CDC14B: variants seen among roughly 807,000 people sequenced by gnomAD.
The protein encoded by CDC14B is dual specificity protein phosphatase CDC14B.
In CDC14B, 22 loss-of-function variants were observed where a neutral mutation model predicts 64.2. The observed-to-expected ratio is 0.34, with a 90% CI of 0.24 to 0.49. The LOEUF (loss-of-function observed/expected upper bound fraction) is 0.49, where lower values mean the gene tolerates loss of function less well. CDC14B is among the 20% of genes least tolerant of loss of function. The pLI, the probability that CDC14B is intolerant of heterozygous loss-of-function variation, is 0.99. For synonymous variants in CDC14B, 191 were observed against 215.8 expected (o/e 0.89, Z 1.01); for missense variants, 498 against 629.9 (o/e 0.79, Z 2.24).
chr9:96,495,427 G>T (rs915973284), downstream of CDC14B, among the ~76,000 whole-genome samples: 2 of 146,328 alleles, frequency 1.4e-5, no homozygotes, highest in Non-Finnish European at 3.0e-5. Context: ...CAGGAACTTG[G>T]CTCACATTGA....
At chr9:96,587,195 AAG>A (rs1409222103) in intron 1 of CDC14B, among the ~76,000 whole-genome samples, 1 of 152,120 alleles carries the variant, frequency 6.6e-6, no homozygotes, top group Non-Finnish European at 1.5e-5. Context: ...AACAAAAAAA[AAG>A]AGAAAACAGT....
chr9:96,600,570 T>A (rs969147379), intron 1 of CDC14B, among the ~76,000 whole-genome samples: 1 of 152,020 alleles, frequency 6.6e-6, no homozygotes, highest in Admixed American at 6.6e-5. Context: ...TGGTGCGATC[T>A]TGGCTCACTG....
At chr9:96,566,142 C>G (rs1843884014) in intron 1 of CDC14B, among the ~76,000 whole-genome samples, 1 of 152,128 alleles carries the variant, frequency 6.6e-6, no homozygotes, top group Admixed American at 6.5e-5. Flanking sequence ...GTGAGGTTAG[C>G]AAGAATGGTA....
At chr9:96,569,662 T>C (rs1162223963) in intron 1 of CDC14B, among the ~76,000 whole-genome samples, 1 of 152,178 alleles carries the variant, frequency 6.6e-6, no homozygotes, top group Non-Finnish European at 1.5e-5. Context: ...TCTCGCTCTG[T>C]TGCCCAGGCT....
intron 1 of CDC14B, among the ~76,000 whole-genome samples, chr9:96,617,602 G>A (rs1847709995): frequency 6.6e-6 from 1 of 152,090 alleles, no homozygotes; most frequent in African/African-American, 2.4e-5. Flanking sequence ...AAAACAACAT[G>A]TGTGCTACTC....
At chr9:96,503,863 G>A in intron 13 of CDC14B, 74 bp from the exon 14 acceptor site, 2 of 1,158,314 alleles carry the variant, frequency 1.7e-6, no homozygotes, top group Non-Finnish European at 1.3e-6. Context: ...AAGACAAGGA[G>A]GGCAACATAA....
chr9:96,552,889 T>C (rs2132077102), intron 4 of CDC14B, among the ~76,000 whole-genome samples: 1 of 152,204 alleles, frequency 6.6e-6, no homozygotes, highest in South Asian at 2.1e-4. Context: ...ACTCCAAAGA[T>C]TACTTTGGGG....
chr9:96,607,521 C>A (rs1240955873), intron 1 of CDC14B, among the ~76,000 whole-genome samples: 1 of 150,394 alleles, frequency 6.6e-6, no homozygotes, highest in African/African-American at 2.5e-5. Flanking sequence ...CCAGGGTTCA[C>A]GCCATTCTCC....
exon 14 of CDC14B, chr9:96,492,095 G>A (rs979768611): frequency 1.1e-4 from 17 of 152,320 alleles, no homozygotes; most frequent in African/African-American, 3.6e-4. Flanking sequence ...TGCTTGTGAC[G>A]TGGGTGTGGA....
In CDC14B at chr9:96,503,399, A is replaced by G. The variant is rs936591329; in HGVS notation, c.*354T>C. 6 of 243,172 alleles carry G rather than the reference A, an allele frequency of 2.5e-5. No individual in the cohort carries two copies. Among genetic ancestry groups the G allele is most frequent in the Admixed American group, 5.5e-5 (1 of 18,108 alleles). 15.1% of individuals were successfully genotyped at this position (243,172 alleles called of 1,614,324 possible). On this transcript the variant is annotated 3_prime_UTR_variant, in exon 14 of 14. Transcript: ENST00000375241. ...ATAAAAAACCTCCATCAGATCCTCA[A>G]TTCTTCTGAAGGCCAGCAACTACAA... is the stretch of plus-strand genomic sequence containing the variant.
chr9:96,597,579 T>C (rs1265332878), intron 1 of CDC14B, among the ~76,000 whole-genome samples: 1 of 150,928 alleles, frequency 6.6e-6, no homozygotes, highest in East Asian at 1.9e-4. Flanking sequence ...AACCTAGAGT[T>C]CAACATTAAG....
At chr9:96,507,743 A>C (rs921406298) in intron 13 of CDC14B, among the ~76,000 whole-genome samples, 2 of 152,084 alleles carry the variant, frequency 1.3e-5, no homozygotes, top group African/African-American at 4.8e-5. Flanking sequence ...CTCACCAAAA[A>C]GTGTCAGTTA....
intron 13 of CDC14B, among the ~76,000 whole-genome samples, chr9:96,494,156 T>C (rs1564174637): frequency 6.6e-6 from 1 of 152,220 alleles, no homozygotes; most frequent in Non-Finnish European, 1.5e-5. Context: ...ACCTGGCTAC[T>C]ATTAGGGAAG....
chr9:96,611,833 C>G (rs1289028559), intron 1 of CDC14B, among the ~76,000 whole-genome samples: 2 of 152,144 alleles, frequency 1.3e-5, no homozygotes, highest in South Asian at 4.1e-4. Context: ...TATTTTAAAA[C>G]ATATACAAGA....
intron 12 of CDC14B, among the ~76,000 whole-genome samples, chr9:96,520,471 G>A (rs779104028): frequency 1.3e-5 from 2 of 152,034 alleles, no homozygotes; most frequent in Non-Finnish European, 2.9e-5. Flanking sequence ...TCAGCCTCCC[G>A]CATAGCCTGG....
chr9:96,552,981 A>G (rs1266697602), intron 4 of CDC14B, among the ~76,000 whole-genome samples: 1 of 152,244 alleles, frequency 6.6e-6, no homozygotes, highest in African/African-American at 2.4e-5. Context: ...CCATTACTTA[A>G]CATGATACAT....
intron 5 of CDC14B, among the ~76,000 whole-genome samples, chr9:96,546,546 T>C (rs1446626845): frequency 6.6e-6 from 1 of 151,736 alleles, no homozygotes; most frequent in Non-Finnish European, 1.5e-5. Context: ...GCCTCTCAGG[T>C]TGAAGTGATT....
chr9:96,563,293 A>G (rs1191346877), intron 3 of CDC14B, among the ~76,000 whole-genome samples: 2 of 152,206 alleles, frequency 1.3e-5, no homozygotes, highest in Non-Finnish European at 2.9e-5. Flanking sequence ...TCATCTATGT[A>G]TATTCCATTA....
chr9:96,574,146 C>CA (rs761032445), intron 1 of CDC14B, among the ~76,000 whole-genome samples: 3,489 of 117,932 alleles, frequency 0.03, 126 homozygotes, highest in African/African-American at 0.096. Flanking sequence ...GACTCCATCT[C>CA]AAAAAAAAAA....
Sources: allele counts gnomAD v4.1 joint callset (sites outside exome capture counted in the v4.1 genomes callset), GRCh38; gene constraint gnomAD v4.1.1; transcripts MANE v1.5; gene names NCBI Gene and HGNC (gene_info 2026-07-23, HGNC 2026-07-21).